The following TTLL8 variants were observed in gnomAD, a reference collection of about 807,000 sequenced individuals.
The protein encoded by TTLL8 is tubulin tyrosine ligase like 8.
Under a neutral mutation model 77.8 loss-of-function variants are expected in TTLL8, and 65 were observed. The ratio of observed to expected loss-of-function variants is 0.84; its 90% confidence interval spans 0.68 to 1.03. TTLL8 has a LOEUF of 1.03. TTLL8 is among the 50% of genes least tolerant of loss of function. The probability of loss-of-function intolerance (pLI) is 0.00; values close to 1 mark genes in which losing one functional copy is unlikely to be tolerated. For synonymous variants in TTLL8, 402 were observed against 422.8 expected (o/e 0.95, Z 0.60); for missense variants, 910 against 1,004.5 (o/e 0.91, Z 1.27).
At chr22:50,021,062 CCTGCACTCCTCCATCTGAT>C (rs2061194856) in intron 12 of TTLL8, among the ~76,000 whole-genome samples, 2 of 126,904 alleles carry the variant, frequency 1.6e-5, no homozygotes, top group Non-Finnish European at 3.4e-5. Flanking sequence ...CTCCATCTGA[CCTGCACTCCTCCATCTGAT>C]GATGTGCACT....
intron 1 of TTLL8, among the ~76,000 whole-genome samples, chr22:50,052,988 G>A (rs576011916): frequency 6.6e-5 from 10 of 152,252 alleles, no homozygotes; most frequent in East Asian, 3.9e-4. Flanking sequence ...GTGGGAGGCC[G>A]AGGTGGGTGG....
chr22:50,030,418 G>C lies in TTLL8; in HGVS notation c.2203+12C>G, dbSNP rs556153849. 68 of 1,309,196 alleles carry C rather than the reference G, an allele frequency of 5.2e-5. No individual in the cohort carries two copies. The East Asian group carries it at 3.2e-3, about 61-fold the overall frequency. 81.1% of individuals were successfully genotyped at this position (1,309,196 alleles called of 1,614,324 possible). On this transcript the variant is annotated intron_variant, in intron 12 of 13. Transcript: ENST00000266182. ...CCCAAGCCCACAGCGCACCGCCGGCGGCGCAGGTTACCTTTTCCTCCGGGC... is the reference window on the plus strand; with the variant it reads ...CCCAAGCCCACAGCGCACCGCCGGCCGCGCAGGTTACCTTTTCCTCCGGGC...
chr22:50,052,756 A>G (rs1002647765), intron 1 of TTLL8, among the ~76,000 whole-genome samples: 2 of 152,260 alleles, frequency 1.3e-5, no homozygotes, highest in African/African-American at 4.8e-5. Context: ...TTAAGAAGGC[A>G]TTAGTTATAA....
chr22:50,020,964 C>A (rs1307064591), intron 12 of TTLL8, among the ~76,000 whole-genome samples: 1 of 140,822 alleles, frequency 7.1e-6, no homozygotes, highest in Non-Finnish European at 1.5e-5. Flanking sequence ...CTCCATCTGA[C>A]ATGCACTCCT....
exon 6 of TTLL8, chr22:50,045,316 G>T: frequency 7.3e-7 from 1 of 1,364,720 alleles, no homozygotes. Context: ...GCTTGCTTCT[G>T]CTGCTCCTGC....
At chr22:50,030,566 G>C in exon 12 of TTLL8, 5 of 1,310,900 alleles carry the variant, frequency 3.8e-6, no homozygotes, top group Non-Finnish European at 5.0e-6. Context: ...CGGTGTTTGG[G>C]GCCTGACTGT....
At chr22:50,038,625 AACATAGCAAGACCCTGTCTCT>A (rs2061351085) in intron 8 of TTLL8, among the ~76,000 whole-genome samples, 1 of 152,198 alleles carries the variant, frequency 6.6e-6, no homozygotes, top group Non-Finnish European at 1.5e-5. Flanking sequence ...AAGCCTGGGC[AACATAGCAAGACCCTGTCTCT>A]ACAAAATAAT....
At chr22:50,029,329 C>CA (rs2061264194) in intron 12 of TTLL8, among the ~76,000 whole-genome samples, 3 of 116,578 alleles carry the variant, frequency 2.6e-5, no homozygotes, top group Non-Finnish European at 5.2e-5. Flanking sequence ...ACCCCACACA[C>CA]CCTCGTAAAG....
intron 8 of TTLL8, among the ~76,000 whole-genome samples, chr22:50,037,433 C>G (rs945519752): frequency 6.6e-6 from 1 of 152,214 alleles, no homozygotes; most frequent in African/African-American, 2.4e-5. Flanking sequence ...TCTGGAACTC[C>G]TGACCTCATG....
intron 12 of TTLL8, among the ~76,000 whole-genome samples, chr22:50,028,128 C>T (rs561327072): frequency 5.3e-5 from 8 of 152,376 alleles, no homozygotes; most frequent in South Asian, 2.1e-4. Flanking sequence ...GCAGGCAATC[C>T]GCCCAGTGAA....
At chr22:50,022,209 A>T (rs1401905529) in intron 12 of TTLL8, among the ~76,000 whole-genome samples, 1 of 134,028 alleles carries the variant, frequency 7.5e-6, no homozygotes, top group Non-Finnish European at 1.6e-5. Flanking sequence ...GACGACGTGC[A>T]CTCCTACATC....
chr22:50,022,469 G>C (rs905235846), intron 12 of TTLL8, among the ~76,000 whole-genome samples: 2 of 146,320 alleles, frequency 1.4e-5, no homozygotes, highest in African/African-American at 5.1e-5. Flanking sequence ...TCCTCCATCT[G>C]ACGTGTACTC....
chr22:50,045,754 A>G (rs2061406516), intron 5 of TTLL8, 102 bp downstream of exon 7: 1 of 1,238,892 alleles, frequency 8.1e-7, no homozygotes, highest in South Asian at 1.4e-5. Context: ...CCGGTCCTCT[A>G]TCCTCAGACC....
intron 12 of TTLL8, among the ~76,000 whole-genome samples, chr22:50,024,099 A>G (rs2146627567): frequency 6.6e-6 from 1 of 152,322 alleles, no homozygotes; most frequent in South Asian, 2.1e-4. Context: ...TTGAAGAAGA[A>G]ACAAAATTGG....
At chr22:50,050,597 G>C (rs1344343136) in intron 1 of TTLL8, among the ~76,000 whole-genome samples, 1 of 152,100 alleles carries the variant, frequency 6.6e-6, no homozygotes, top group African/African-American at 2.4e-5. Flanking sequence ...CAGGAGGAGA[G>C]AAAGAGCAAA....
At chr22:50,055,191 A>T (rs1282795730), upstream of TTLL8, 2 of 1,276,226 alleles carry the variant, frequency 1.6e-6, no homozygotes, top group Non-Finnish European at 1.0e-6. Context: ...ATGTCCTTTT[A>T]AAAAAGTGTC....
chr22:50,024,960 GT>G (rs940131287), intron 12 of TTLL8, among the ~76,000 whole-genome samples: 18 of 152,158 alleles, frequency 1.2e-4, no homozygotes, highest in African/African-American at 3.6e-4. Flanking sequence ...TGTTCTGAGT[GT>G]TTTTTTCCCC....
chr22:50,052,172 G>A (rs535095897), intron 1 of TTLL8, among the ~76,000 whole-genome samples: 8 of 152,266 alleles, frequency 5.3e-5, no homozygotes, highest in African/African-American at 1.7e-4. Context: ...ACCCGCCCAC[G>A]TGGCTGTGCA....
chr22:50,054,824 A>G (rs981619582), upstream of TTLL8, among the ~76,000 whole-genome samples: 5 of 152,158 alleles, frequency 3.3e-5, no homozygotes, highest in Non-Finnish European at 5.9e-5. Context: ...TTGGGAGGCC[A>G]AGGCGGGCAG....
Sources: gnomAD v4.1 joint callset for allele counts (sites outside exome capture counted in the v4.1 genomes callset) on GRCh38, gnomAD v4.1.1 for gene constraint, MANE v1.5 for transcripts, NCBI Gene and HGNC (gene_info 2026-07-23, HGNC 2026-07-21) for gene names.